The following GRM5 variants were observed in gnomAD, a reference collection of about 807,000 sequenced individuals.
The protein encoded by GRM5 is metabotropic glutamate receptor 5.
Under a neutral mutation model 83.1 loss-of-function variants are expected in GRM5, and 19 were observed. The ratio of observed to expected loss-of-function variants is 0.23; its 90% CI spans 0.16 to 0.34. The LOEUF is 0.34. GRM5 is among the 10% of genes least tolerant of loss of function. The pLI is 1.00. For synonymous variants in GRM5, 675 were observed against 633.6 expected (o/e 1.07, Z -0.98); for missense variants, 1,160 against 1,588.3 (o/e 0.73, Z 4.58).
chr11:88,804,991 T>C (rs1943474417), intron 3 of GRM5, among the ~76,000 whole-genome samples: 1 of 152,062 alleles, frequency 6.6e-6, no homozygotes. Flanking sequence ...GAAAGAGAAG[T>C]CTTATGCCAA....
At chr11:88,871,145 T>C (rs1264342960) in intron 2 of GRM5, among the ~76,000 whole-genome samples, 1 of 151,640 alleles carries the variant, frequency 6.6e-6, no homozygotes, top group East Asian at 1.9e-4. Context: ...GGTAAGCTTT[T>C]ATGCACATAA....
At chr11:88,732,148 C>T (rs1941820194) in intron 3 of GRM5, among the ~76,000 whole-genome samples, 1 of 152,054 alleles carries the variant, frequency 6.6e-6, no homozygotes, top group Non-Finnish European at 1.5e-5. Flanking sequence ...TATCATAGCA[C>T]TTAGCAAACT....
chr11:88,748,019 T>C (rs1429669777), intron 3 of GRM5, among the ~76,000 whole-genome samples: 1 of 152,154 alleles, frequency 6.6e-6, no homozygotes, highest in Non-Finnish European at 1.5e-5. Context: ...AGGTGAAGTA[T>C]GTTCCACTCT....
chr11:88,801,992 C>T (rs1012447333), intron 3 of GRM5, among the ~76,000 whole-genome samples: 4 of 152,082 alleles, frequency 2.6e-5, no homozygotes, highest in Admixed American at 1.3e-4. Flanking sequence ...AACCCCTTCT[C>T]TGCACCAAGC....
intron 3 of GRM5, among the ~76,000 whole-genome samples, chr11:88,818,811 T>A (rs1199574917): frequency 6.6e-6 from 1 of 152,156 alleles, no homozygotes; most frequent in East Asian, 1.9e-4. Flanking sequence ...CAGATTTCAA[T>A]TTTATGCAAA....
At chr11:88,552,195 G>A (rs532871223) in intron 8 of GRM5, among the ~76,000 whole-genome samples, 4 of 151,920 alleles carry the variant, frequency 2.6e-5, no homozygotes, top group African/African-American at 9.6e-5. Flanking sequence ...TAGCTATTTT[G>A]TTTAATTTTT....
At chr11:88,628,896 T>G (rs1018551385) in intron 4 of GRM5, among the ~76,000 whole-genome samples, 2 of 152,212 alleles carry the variant, frequency 1.3e-5, no homozygotes, top group South Asian at 4.1e-4. Context: ...TCCCTTTTTT[T>G]CTAGTCACAT....
At chr11:88,983,973 G>C (rs920683566) in intron 2 of GRM5, among the ~76,000 whole-genome samples, 1 of 152,004 alleles carries the variant, frequency 6.6e-6, no homozygotes, top group Non-Finnish European at 1.5e-5. Context: ...AAAGCATATA[G>C]AAAAGGAATA....
chr11:89,018,814 C>T (rs1940916688), intron 2 of GRM5, among the ~76,000 whole-genome samples: 1 of 152,130 alleles, frequency 6.6e-6, no homozygotes, highest in Non-Finnish European at 1.5e-5. Flanking sequence ...CTTTTCATTT[C>T]AGAATAGTTG....
At chr11:88,839,629 G>T (rs548227001) in intron 3 of GRM5, among the ~76,000 whole-genome samples, 73 of 152,088 alleles carry the variant, frequency 4.8e-4, no homozygotes, top group Non-Finnish European at 9.6e-4. Context: ...TCTTTGGAGA[G>T]AAATAAAATG....
chr11:88,826,924 C>T (rs1022455719), intron 3 of GRM5, among the ~76,000 whole-genome samples: 1 of 152,126 alleles, frequency 6.6e-6, no homozygotes, highest in Middle Eastern at 3.2e-3. Context: ...AAGTGTCAGG[C>T]TATAACAATC....
intron 2 of GRM5, among the ~76,000 whole-genome samples, chr11:88,964,324 C>A (rs1168242877): frequency 1.3e-5 from 2 of 151,670 alleles, no homozygotes; most frequent in Non-Finnish European, 2.9e-5. Context: ...AGATAGCCTT[C>A]ATTTTATTTT....
At chr11:88,934,154 C>T (rs1937812725) in intron 2 of GRM5, among the ~76,000 whole-genome samples, 1 of 151,772 alleles carries the variant, frequency 6.6e-6, no homozygotes, top group South Asian at 2.1e-4. Flanking sequence ...TCACAATCAT[C>T]AAAACAATTA....
At chr11:88,574,822 T>G (rs1390611284) in intron 7 of GRM5, among the ~76,000 whole-genome samples, 1 of 152,164 alleles carries the variant, frequency 6.6e-6, no homozygotes, top group East Asian at 1.9e-4. Flanking sequence ...TTTTTATGAC[T>G]GATTAATCTA....
At chr11:88,635,147 C>T (rs1939083455) in intron 4 of GRM5, among the ~76,000 whole-genome samples, 1 of 152,142 alleles carries the variant, frequency 6.6e-6, no homozygotes, top group Non-Finnish European at 1.5e-5. Flanking sequence ...GTACAGATAC[C>T]TCTTTGATAT....
At chr11:88,807,187 C>T (rs1394139127) in intron 3 of GRM5, among the ~76,000 whole-genome samples, 1 of 152,088 alleles carries the variant, frequency 6.6e-6, no homozygotes, top group East Asian at 1.9e-4. Flanking sequence ...TTAAAAAATG[C>T]TTATTGAACA....
At chr11:88,836,705 G>C (rs1415662964) in intron 3 of GRM5, among the ~76,000 whole-genome samples, 1 of 152,182 alleles carries the variant, frequency 6.6e-6, no homozygotes, top group African/African-American at 2.4e-5. Context: ...TAAGGATGGA[G>C]AATCGCTTGA....
chr11:88,533,672 T>G (rs1346893074), intron 8 of GRM5, among the ~76,000 whole-genome samples: 1 of 152,116 alleles, frequency 6.6e-6, no homozygotes, highest in Non-Finnish European at 1.5e-5. Flanking sequence ...GAGGTATGCA[T>G]GAATGACTGA....
chr11:88,773,047 C>CTAA (rs1262925604), intron 3 of GRM5, among the ~76,000 whole-genome samples: 1 of 152,206 alleles, frequency 6.6e-6, no homozygotes, highest in Non-Finnish European at 1.5e-5. Context: ...AATGGTGGAA[C>CTAA]TAATTTACAC....
Sources: gnomAD v4.1 joint callset for allele counts (sites outside exome capture counted in the v4.1 genomes callset) on GRCh38, gnomAD v4.1.1 for gene constraint, MANE v1.5 for transcripts, NCBI Gene and HGNC (gene_info 2026-07-23, HGNC 2026-07-21) for gene names.